The following UCN3 variants were observed in gnomAD, a reference collection of about 807,000 sequenced individuals.
UCN3 encodes urocortin 3.
A neutral mutation model predicts 3.6 loss-of-function variants in UCN3; 3 were observed. That is an observed-to-expected ratio of 0.83 (90% CI 0.38 to 2.15). The LOEUF (loss-of-function observed/expected upper bound fraction) is 2.15. Among genes scored for constraint, UCN3 ranks in the 30% most tolerant of loss-of-function variants. The pLI is 0.06. For missense variants in UCN3, 206 were observed against 208.3 expected (o/e 0.99, Z 0.07); for synonymous variants, 100 against 93.2 (o/e 1.07, Z -0.42).
rs1491109636 is a variant in UCN3, at chr10:5,370,482, T to TGC, written c.-6-3232_-6-3231insCG. Among the ~76,000 whole-genome samples the TGC allele has an allele frequency of 7.1e-4, 68 of 95,442 alleles. 5 individuals are homozygous for TGC. The highest frequency in any genetic ancestry group is 2.5e-3 in the African/African-American group (66 of 25,918). The allele number at this position is 95,442 out of a possible 152,430, so 62.6% of individuals were successfully genotyped here. A position where few individuals can be genotyped will look rare whatever the true frequency, so the allele number is the denominator to read the frequency against. ...ATATGTGTGTATATGCGTGTGTATATGTGTGTATGTGTGTGTATATGCGTG... is the reference window on the plus strand; with the variant it reads ...ATATGTGTGTATATGCGTGTGTATATGCGTGTGTATGTGTGTGTATATGCGTG... On this transcript the variant is annotated intron_variant, in intron 1 of 1. Transcript: ENST00000380433.
intron 1 of UCN3, among the ~76,000 whole-genome samples, chr10:5,372,041 G>C (rs889379371): frequency 6.6e-6 from 1 of 152,240 alleles, no homozygotes; most frequent in African/African-American, 2.4e-5. Flanking sequence ...TGTGAGCGGG[G>C]CCCGCAGACG....
intron 1 of UCN3, among the ~76,000 whole-genome samples, chr10:5,369,919 GTGTGTATGTGTGTGTGTGTA>G: frequency 1.6e-5 from 2 of 127,452 alleles, no homozygotes; most frequent in African/African-American, 6.1e-5. Context: ...GTGTATATGT[GTGTGTATGTGTGTGTGTGTA>G]TGTGTGTGTA....
At chr10:5,370,572 CGTGTATATGTGTGTATATGT>C (rs1478796230) in intron 1 of UCN3, among the ~76,000 whole-genome samples, 1 of 18,802 alleles carries the variant, frequency 5.3e-5, no homozygotes, top group Non-Finnish European at 9.3e-5. Flanking sequence ...TGTGTATATG[CGTGTATATGTGTGTATATGT>C]GTGTGTGTAT....
intron 1 of UCN3, among the ~76,000 whole-genome samples, chr10:5,370,553 G>A (rs538187710): frequency 8.7e-6 from 1 of 115,032 alleles, no homozygotes; most frequent in Non-Finnish European, 1.8e-5. Flanking sequence ...GTATATGTGT[G>A]TATATGTGTG....
intron 1 of UCN3, among the ~76,000 whole-genome samples, chr10:5,368,975 T>C (rs1831293932): frequency 6.6e-6 from 1 of 152,156 alleles, no homozygotes; most frequent in Non-Finnish European, 1.5e-5. Flanking sequence ...CGTGGGACTG[T>C]GCTAGAAATG....
rs868932205 is a variant in UCN3 at position 5,370,156 on chromosome 10, T to C, written c.-6-3559T>C. Among the ~76,000 whole-genome samples the C allele has an allele frequency of 8.5e-3, 395 of 46,460 alleles. 34 individuals are homozygous for C. Among genetic ancestry groups the C allele is most frequent in the Non-Finnish European group, 0.011 (261 of 23,674 alleles). The allele number at this position is 46,460 out of a possible 152,430, so 30.5% of individuals were successfully genotyped here. On this transcript the variant is annotated intron_variant, in intron 1 of 1. Coordinates refer to ENST00000380433, the MANE Select transcript of UCN3 (RefSeq NM_053049.4). ...ATGTGTGTGTATGCGTGTGTATATGTGTGTGTATATGTGTGTGTATATGCG... is the reference window on the plus strand; with the variant it reads ...ATGTGTGTGTATGCGTGTGTATATGCGTGTGTATATGTGTGTGTATATGCG...
At chr10:5,370,519 GTGTA>G (rs1264762687) in intron 1 of UCN3, among the ~76,000 whole-genome samples, 1 of 109,726 alleles carries the variant, frequency 9.1e-6, no homozygotes, top group Non-Finnish European at 1.9e-5. Flanking sequence ...GTATATGTGT[GTGTA>G]TGTGTGTGTG....
At chr10:5,370,955 G>GCT (rs569584523) in intron 1 of UCN3, among the ~76,000 whole-genome samples, 27 of 109,490 alleles carry the variant, frequency 2.5e-4, no homozygotes, top group African/African-American at 1.1e-3. Flanking sequence ...ATGTGTGTAA[G>GCT]GTGTGTGTGT....
chr10:5,370,824 CGCGCGT>C (rs1831400683), intron 1 of UCN3, among the ~76,000 whole-genome samples: 1 of 82,890 alleles, frequency 1.2e-5, no homozygotes, highest in African/African-American at 4.8e-5. Context: ...CGTGTGTGTG[CGCGCGT>C]GTGTGTGCGC....
chr10:5,372,531 A>G (rs1330916173), intron 1 of UCN3, among the ~76,000 whole-genome samples: 3 of 152,170 alleles, frequency 2.0e-5, no homozygotes, highest in Non-Finnish European at 4.4e-5. Flanking sequence ...ACAACAGTCC[A>G]TATGCTAATG....
rs111207952 is a variant in UCN3 at position 5,370,915 on chromosome 10, A to T, written c.-6-2800A>T. On this transcript the variant is annotated intron_variant, in intron 1 of 1. Coordinates refer to ENST00000380433, the MANE Select transcript of UCN3 (RefSeq NM_053049.4). ...TATATGCGTGTGTATATGCGTGTGT[A>T]TATGCGTGTGTATATGTGTGTTCAT... Among the ~76,000 whole-genome samples, 59 of 100,980 alleles carry T rather than the reference A, an allele frequency of 5.8e-4. 2 individuals are homozygous for T. Among genetic ancestry groups the T allele is most frequent in the South Asian group, 2.3e-3 (6 of 2,594 alleles). The allele number at this position is 100,980 out of a possible 152,430, so 66.2% of individuals were successfully genotyped here. A position where few individuals can be genotyped will look rare whatever the true frequency, so the allele number is the denominator to read the frequency against.
intron 1 of UCN3, among the ~76,000 whole-genome samples, chr10:5,370,481 A>ATGTGTGTATGTG (rs1831368154): frequency 4.6e-5 from 1 of 21,700 alleles, no homozygotes; most frequent in African/African-American, 2.1e-4. Flanking sequence ...GCGTGTGTAT[A>ATGTGTGTATGTG]TGTGTGTATG....
chr10:5,369,774 G>A (rs1462561268), intron 1 of UCN3, among the ~76,000 whole-genome samples: 1 of 152,178 alleles, frequency 6.6e-6, no homozygotes, highest in Non-Finnish European at 1.5e-5. Context: ...AAAATTAAAG[G>A]AAAGAAAGGC....
At chr10:5,369,752 T>A (rs1336955530) in intron 1 of UCN3, among the ~76,000 whole-genome samples, 1 of 152,232 alleles carries the variant, frequency 6.6e-6, no homozygotes, top group Admixed American at 6.5e-5. Context: ...AAAACCTGAT[T>A]TCTTAGACAA....
chr10:5,369,953 G>A (rs1435226420), intron 1 of UCN3, among the ~76,000 whole-genome samples: 1 of 139,888 alleles, frequency 7.1e-6, no homozygotes, highest in Non-Finnish European at 1.5e-5. Flanking sequence ...GTGTGTATAT[G>A]TGTGTGTATA....
At chr10:5,373,285 A>T (rs1339044264) in intron 1 of UCN3, among the ~76,000 whole-genome samples, 1 of 152,222 alleles carries the variant, frequency 6.6e-6, no homozygotes, top group East Asian at 1.9e-4. Flanking sequence ...CTTGCCAATG[A>T]TGAAGGAACA....
chr10:5,370,829 G>C (rs1446269471), intron 1 of UCN3, among the ~76,000 whole-genome samples: 1 of 89,854 alleles, frequency 1.1e-5, no homozygotes, highest in Non-Finnish European at 2.2e-5. Flanking sequence ...GTGTGCGCGC[G>C]TGTGTGTGCG....
intron 1 of UCN3, among the ~76,000 whole-genome samples, chr10:5,370,375 A>ATGTG (rs1463032328): frequency 3.5e-5 from 1 of 28,630 alleles, no homozygotes; most frequent in Non-Finnish European, 5.5e-5. Flanking sequence ...GCGTGTGTAT[A>ATGTG]TGCGTGTATA....
rs781875175 is a variant in UCN3, at chr10:5,374,032, G to C, written c.312G>C (p.Arg104Ser). ...RYRYVSQAQP[R>S]GKPRQDTAKS... Reference sequence around the variant, plus strand: ...GATACGTGTCCCAAGCACAGCCCAGGGGAAAGCCACGCCAGGACACGGCCA... The same window carrying C: ...GATACGTGTCCCAAGCACAGCCCAGCGGAAAGCCACGCCAGGACACGGCCA... The change falls in exon 2 of 2, where the codon AGG becomes AGC. Residue 104 changes from arginine (R) to serine (S), a missense_variant. Arg to Ser is a moderately radical substitution (Grantham distance 110). Transcript: ENST00000380433. 10 of 1,612,508 alleles carry C rather than the reference G, an allele frequency of 6.2e-6. No homozygotes were observed. Among genetic ancestry groups the C allele is most frequent in the Non-Finnish European group, 8.5e-6 (10 of 1,179,322 alleles).
Sources: gnomAD v4.1 joint callset for allele counts (sites outside exome capture counted in the v4.1 genomes callset) on GRCh38, gnomAD v4.1.1 for gene constraint, MANE v1.5 for transcripts, NCBI Gene and HGNC (gene_info 2026-07-23, HGNC 2026-07-21) for gene names.